Variants in CRIM1 observed in about 807,000 individuals in gnomAD.
CRIM1 encodes cysteine-rich motor neuron 1 protein.
CRIM1 carries 32 observed loss-of-function variants against 116.4 expected under a neutral mutation model. The observed-to-expected ratio is 0.27, with a 90% CI of 0.21 to 0.37. The LOEUF is 0.37. CRIM1 is among the 10% of genes least tolerant of loss of function. The probability of loss-of-function intolerance (pLI) is 1.00; values close to 1 mark genes in which losing one functional copy is unlikely to be tolerated. For missense variants in CRIM1, 1,331 were observed against 1,354.8 expected, an observed-to-expected ratio of 0.98 and a Z score of 0.28; for synonymous variants, 590 against 509.2, an observed-to-expected ratio of 1.16 and a Z score of -2.13.
chr2:36,468,200 A>G (rs1022975209), intron 5 of CRIM1, among the ~76,000 whole-genome samples: 16 of 152,142 alleles, frequency 1.1e-4, no homozygotes, highest in Admixed American at 2.0e-4. Flanking sequence ...TGCCGCACTC[A>G]CTTCCTATGC....
chr2:36,548,987 A>T lies in CRIM1; in HGVS notation c.*286A>T. ...CTGTAGAGATATTTGGGGTGGGGAC[A>T]GTGAGTTTGGATGGGGAAATGGGTG... On this transcript the variant is annotated 3_prime_UTR_variant, in exon 17 of 17. Coordinates refer to ENST00000280527, the MANE Select transcript of CRIM1 (RefSeq NM_016441.3). The T allele has an allele frequency of 5.1e-5, 9 of 175,632 alleles. No homozygotes were observed. The highest frequency in any genetic ancestry group is 1.8e-4 in the South Asian group (1 of 5,482). 10.9% of individuals were successfully genotyped at this position (175,632 alleles called of 1,614,324 possible). A position where few individuals can be genotyped will look rare whatever the true frequency, so the allele number is the denominator to read the frequency against.
chr2:36,472,375 C>G (rs1678597215), intron 5 of CRIM1, among the ~76,000 whole-genome samples: 2 of 152,160 alleles, frequency 1.3e-5, no homozygotes, highest in Admixed American at 6.5e-5. Context: ...CTTTGAACAT[C>G]AAACAGATTT....
intron 2 of CRIM1, among the ~76,000 whole-genome samples, chr2:36,406,453 C>A (rs746091421): frequency 6.6e-6 from 1 of 152,032 alleles, no homozygotes; most frequent in South Asian, 2.1e-4. Flanking sequence ...TTGATGATAA[C>A]GAGGTCCCTG....
At chr2:36,383,906 G>A (rs1166359657) in intron 1 of CRIM1, among the ~76,000 whole-genome samples, 2 of 152,130 alleles carry the variant, frequency 1.3e-5, no homozygotes, top group Non-Finnish European at 2.9e-5. Flanking sequence ...AATATTTATG[G>A]AGGCCCTACT....
chr2:36,472,745 T>C (rs1572817925), intron 5 of CRIM1, among the ~76,000 whole-genome samples: 6 of 152,206 alleles, frequency 3.9e-5, no homozygotes, highest in Admixed American at 3.9e-4. Context: ...ATGTTCATTT[T>C]GTTAGAGTAC....
Position 36,479,559 on chromosome 2 carries a change from G to A in CRIM1, c.1237G>A (p.Gly413Arg), listed in dbSNP as rs572243696. The A allele has an allele frequency of 1.3e-5, 21 of 1,614,066 alleles. No homozygotes were observed. The highest frequency in any genetic ancestry group is 4.4e-5 in the South Asian group (4 of 91,082). The part of the protein sequence containing the change: ...CYANGLILAH[G>R]DRWREDDCTF... The stretch of plus-strand genomic sequence containing the variant: ...TGCCAATGGCCTGATCCTTGCCCAC[G>A]GAGACCGGTGGCGGGAAGACGACTG... The change falls in exon 7 of 17, where the codon GGA (glycine) becomes AGA (arginine). Residue 413 changes from glycine to arginine, a missense_variant. Physicochemically the swap from Gly to Arg is moderately radical, Grantham distance 125. Transcript: ENST00000280527.
chr2:36,371,451 A>G (rs979320240), intron 1 of CRIM1, among the ~76,000 whole-genome samples: 3 of 152,202 alleles, frequency 2.0e-5, no homozygotes, highest in East Asian at 1.9e-4. Flanking sequence ...TCTAGACTCA[A>G]GGTCATCCAA....
In CRIM1 at chr2:36,534,507, GGA is replaced by G. The variant is rs1012696887; in HGVS notation, c.2429-2839_2429-2838del. On this transcript the variant is annotated intron_variant, in intron 13 of 16. Coordinates refer to ENST00000280527, the MANE Select transcript of CRIM1 (RefSeq NM_016441.3). ...CAGGAAGGAAGGGAAGGACAGGGAG[GGA>G]GAGAGGGATAGGGAAGGGAGGGAGA... is the stretch of plus-strand genomic sequence containing the variant. Among the ~76,000 whole-genome samples, 86 of 137,926 alleles carry G rather than the reference GGA, an allele frequency of 6.2e-4. 1 individual carries two copies. The highest frequency in any genetic ancestry group is 1.2e-3 in the Non-Finnish European group (76 of 64,116). The allele number at this position is 137,926 out of a possible 152,430, so 90.5% of individuals were successfully genotyped here.
intron 1 of CRIM1, among the ~76,000 whole-genome samples, chr2:36,389,154 C>T (rs3770941): frequency 0.21 from 32,359 of 152,154 alleles, 3,873 homozygotes; most frequent in South Asian, 0.33. Flanking sequence ...TGAATCATTT[C>T]TACTGATAAC....
intron 4 of CRIM1, among the ~76,000 whole-genome samples, chr2:36,452,774 G>A (rs889470021): frequency 2.0e-5 from 3 of 152,122 alleles, no homozygotes; most frequent in African/African-American, 4.8e-5. Flanking sequence ...AAGGCTCTCA[G>A]TCAGTGGCTT....
At chr2:36,434,956 C>T (rs111672426) in intron 2 of CRIM1, among the ~76,000 whole-genome samples, 6 of 152,240 alleles carry the variant, frequency 3.9e-5, no homozygotes, top group African/African-American at 1.4e-4. Context: ...CCTTCACTCG[C>T]CTGGTGACAC....
intron 14 of CRIM1, among the ~76,000 whole-genome samples, chr2:36,538,693 CAAGGT>C (rs1004456844): frequency 6.6e-6 from 1 of 152,102 alleles, no homozygotes; most frequent in African/African-American, 2.4e-5. Flanking sequence ...GGATGTTCTG[CAAGGT>C]AAGGGGGTGG....
intron 16 of CRIM1, among the ~76,000 whole-genome samples, chr2:36,547,802 C>T (rs890297450): frequency 1.3e-5 from 2 of 152,108 alleles, no homozygotes; most frequent in South Asian, 2.1e-4. Flanking sequence ...TTTTGAAAGA[C>T]AAGAAAAAAC....
chr2:36,526,512 C>T (rs940393718), intron 13 of CRIM1, among the ~76,000 whole-genome samples: 1 of 152,170 alleles, frequency 6.6e-6, no homozygotes, highest in Non-Finnish European at 1.5e-5. Context: ...TCAGTGCTTT[C>T]AGTGAAGTCT....
rs183436377 is a variant in CRIM1, at chr2:36,453,192, A to G, written c.869+10457A>G. ...AACAGTTTGCAGATAATTCAGGGTT[A>G]TATTTGGTAGACATTTAATTGCTAA... On this transcript the variant is annotated intron_variant, in intron 4 of 16. Transcript: ENST00000280527. Among the ~76,000 whole-genome samples, 3 of 152,322 alleles carry G rather than the reference A, an allele frequency of 2.0e-5. 1 individual carries two copies. Among genetic ancestry groups the G allele is most frequent in the Admixed American group, 1.3e-4 (2 of 15,308 alleles).
At chr2:36,518,740 A>T (rs1358056321) in intron 12 of CRIM1, among the ~76,000 whole-genome samples, 1 of 152,222 alleles carries the variant, frequency 6.6e-6, no homozygotes, top group East Asian at 1.9e-4. Flanking sequence ...TGTCATCACA[A>T]TTCACTCAGA....
At chr2:36,446,714 A>G (rs1676268811) in intron 4 of CRIM1, among the ~76,000 whole-genome samples, 1 of 152,202 alleles carries the variant, frequency 6.6e-6, no homozygotes. Flanking sequence ...TGGCATGAAG[A>G]CATGATATGA....
chr2:36,452,321 TTCTC>T (rs1676796057), intron 4 of CRIM1, among the ~76,000 whole-genome samples: 1 of 152,186 alleles, frequency 6.6e-6, no homozygotes, highest in South Asian at 2.1e-4. Flanking sequence ...TATGGTAGCA[TTCTC>T]TCTGTTTTTA....
intron 13 of CRIM1, among the ~76,000 whole-genome samples, chr2:36,532,716 C>T (rs1358609751): frequency 6.6e-6 from 1 of 152,124 alleles, no homozygotes; most frequent in African/African-American, 2.4e-5. Flanking sequence ...CTGTGGTTCC[C>T]CTCCTCACCC....
Sources: allele counts gnomAD v4.1 joint callset (sites outside exome capture counted in the v4.1 genomes callset), GRCh38; gene constraint gnomAD v4.1.1; transcripts MANE v1.5; gene names NCBI Gene and HGNC (gene_info 2026-07-23, HGNC 2026-07-21).